Variants in TLE1 observed in about 807,000 individuals in gnomAD.
TLE1 encodes the protein TLE family member 1, transcriptional corepressor.
Under a neutral mutation model 89.8 loss-of-function variants are expected in TLE1, and 21 were observed. The observed-to-expected ratio is 0.23, with a 90% CI of 0.17 to 0.34. The LOEUF (loss-of-function observed/expected upper bound fraction) is 0.34, where lower values mean the gene tolerates loss of function less well. Among genes scored for constraint, TLE1 ranks in the 10% least tolerant of loss-of-function variants. TLE1 has a pLI of 1.00. For missense variants in TLE1, 795 were observed against 1,031.2 expected (o/e 0.77, Z 3.14); for synonymous variants, 447 against 407.6 (o/e 1.10, Z -1.16).
intron 6 of TLE1, among the ~76,000 whole-genome samples, chr9:81,645,664 C>T (rs979579080): frequency 6.6e-6 from 1 of 151,608 alleles, no homozygotes; most frequent in Admixed American, 6.6e-5. Flanking sequence ...CGCTTGAACC[C>T]GGGAGGCAGA....
At chr9:81,677,389 T>A (rs1307927158) in intron 4 of TLE1, among the ~76,000 whole-genome samples, 2 of 151,028 alleles carry the variant, frequency 1.3e-5, no homozygotes, top group East Asian at 3.9e-4. Context: ...CATGATGAAA[T>A]CCTGTCTCTA....
In TLE1 at chr9:81,688,563, C is replaced by A. The variant is rs1588295049; in HGVS notation, c.-323G>T. On this transcript the variant is annotated 5_prime_UTR_variant, in exon 1 of 20. Transcript: ENST00000376499. ...GCGCTCCAACCCCCGGCCTCAGCTGCCCGGGCGGGGAGGCGGGGGCGCGGT... is the reference window on the plus strand; with the variant it reads ...GCGCTCCAACCCCCGGCCTCAGCTGACCGGGCGGGGAGGCGGGGGCGCGGT... 1 of 300,790 alleles carries A rather than the reference C, an allele frequency of 3.3e-6. No homozygotes were observed. The highest frequency in any genetic ancestry group is 5.6e-5 in the East Asian group (1 of 17,836). 18.6% of individuals were successfully genotyped at this position (300,790 alleles called of 1,614,324 possible).
chr9:81,622,996 T>C (rs912814535), intron 8 of TLE1, among the ~76,000 whole-genome samples: 3 of 152,196 alleles, frequency 2.0e-5, no homozygotes, highest in South Asian at 4.1e-4. Flanking sequence ...CTGTGTATAA[T>C]TGCCCCTGAC....
chr9:81,624,902 A>C (rs1473543910), intron 8 of TLE1, among the ~76,000 whole-genome samples: 1 of 152,226 alleles, frequency 6.6e-6, no homozygotes, highest in Admixed American at 6.5e-5. Context: ...ACACTGTTCA[A>C]AACAAACTGA....
Position 81,593,218 on chromosome 9 carries a change from G to A in TLE1, c.1388C>T (p.Pro463Leu). Residue 463 changes from proline (P) to leucine (L), a missense_variant, in exon 15 of 20, where the codon CCC (proline) becomes CTC (leucine). Coordinates refer to ENST00000376499, the MANE Select transcript of TLE1 (RefSeq NM_005077.5). The part of the protein sequence containing the change: ...DGQMQPVPFP[P>L]DALIGPGIPR... ...GATTCCGGGTCCGATGAGGGCGTCG[G>A]GGGGAAAAGGGACAGGCTGCATCTG... 1 of 1,614,168 alleles carries A rather than the reference G, an allele frequency of 6.2e-7. No homozygotes were observed. Among genetic ancestry groups the A allele is most frequent in the South Asian group, 1.1e-5 (1 of 91,078 alleles).
intron 14 of TLE1, among the ~76,000 whole-genome samples, chr9:81,596,406 A>C (rs1039584018): frequency 1.3e-5 from 2 of 152,146 alleles, no homozygotes; most frequent in African/African-American, 4.8e-5. Flanking sequence ...AGCAACACAA[A>C]GGGTGGATGG....
chr9:81,662,483 G>A (rs147655112), intron 4 of TLE1, among the ~76,000 whole-genome samples: 3,755 of 151,368 alleles, frequency 0.025, 151 homozygotes, highest in African/African-American at 0.085. Context: ...ATCACCTGAG[G>A]TCAGGAGTTC....
chr9:81,606,473 G>A (rs1587934821), intron 14 of TLE1, among the ~76,000 whole-genome samples: 2 of 152,258 alleles, frequency 1.3e-5, no homozygotes, highest in Non-Finnish European at 2.9e-5. Context: ...CCTTTGCAGG[G>A]ACATGGATGA....
At position 81,660,366 on chromosome 9, in the gene TLE1, G is replaced by A. The variant is rs768917550; in HGVS notation, c.235-6330C>T. Reference sequence around the variant, plus strand: ...CAAAAAAAAAAAAACAAAATCATACGTTGGTAAGTATAAAATTCATGTACA... The same window carrying A: ...CAAAAAAAAAAAAACAAAATCATACATTGGTAAGTATAAAATTCATGTACA... On this transcript the variant is annotated intron_variant, in intron 4 of 19. Coordinates refer to ENST00000376499, the MANE Select transcript of TLE1 (RefSeq NM_005077.5). Among the ~76,000 whole-genome samples, 6 of 150,944 alleles carry A rather than the reference G, an allele frequency of 4.0e-5. No homozygotes were observed. In the South Asian group the frequency reaches 8.4e-4, roughly 21 times the overall value.
chr9:81,605,177 C>T (rs756441320), intron 14 of TLE1, among the ~76,000 whole-genome samples: 3 of 152,144 alleles, frequency 2.0e-5, no homozygotes, highest in Admixed American at 1.3e-4. Flanking sequence ...TAACTTTTAA[C>T]GCCTTGTTCA....
intron 4 of TLE1, among the ~76,000 whole-genome samples, chr9:81,680,929 TAA>T (rs550412372): frequency 3.7e-5 from 5 of 136,200 alleles, no homozygotes; most frequent in Admixed American, 7.4e-5. Context: ...CACACAGGGT[TAA>T]AAAAAAAAAA....
At chr9:81,620,134 C>CA (rs1554676221) in intron 9 of TLE1, among the ~76,000 whole-genome samples, 9 of 152,074 alleles carry the variant, frequency 5.9e-5, no homozygotes, top group African/African-American at 2.2e-4. Context: ...CCAAGGGAGG[C>CA]GGGGGGCCCG....
At chr9:81,628,615 AAAAG>A (rs763258493) in intron 8 of TLE1, among the ~76,000 whole-genome samples, 66 of 152,272 alleles carry the variant, frequency 4.3e-4, no homozygotes, top group Middle Eastern at 3.4e-3. Context: ...GAAGAGTAAC[AAAAG>A]AAAGAAACCA....
chr9:81,617,133 C>CAAAAAAAAAAAAAAAAAAAAAA (rs56692367), intron 9 of TLE1, among the ~76,000 whole-genome samples: 1 of 124,190 alleles, frequency 8.1e-6, no homozygotes, highest in Non-Finnish European at 1.8e-5. Context: ...CTAGTTAATG[C>CAAAAAAAAAAAAAAAAAAAAAA]AAAAAAAAAA....
chr9:81,634,249 G>C lies in TLE1; in HGVS notation c.425C>G (p.Pro142Arg). The change falls in exon 7 of 20, where the codon CCC becomes CGC. Residue 142 changes from proline (P) to arginine (R), a missense_variant. Around this residue, in one of 4 missense-constraint regions of TLE1, gnomAD observed 468 missense variants for 509.1 expected, o/e 0.92. Transcript: ENST00000376499. ...AAGTCCCGAAGGGTGAGGCGTAAGG[G>C]GAACTGGGGGTCCGTGGCCATGAGA... ...HLSHGHGPPV[P>R]LTPHPSGLQP... is the part of the protein sequence containing the mutation. 1 of 1,572,976 alleles carries C rather than the reference G, an allele frequency of 6.4e-7. No individual in the cohort carries two copies. Among genetic ancestry groups the C allele is most frequent in the Non-Finnish European group, 8.7e-7 (1 of 1,155,478 alleles).
intron 4 of TLE1, among the ~76,000 whole-genome samples, chr9:81,674,645 TAAGTC>T (rs1224647217): frequency 1.3e-5 from 2 of 152,198 alleles, no homozygotes; most frequent in African/African-American, 4.8e-5. Context: ...AGGTAAAGTA[TAAGTC>T]AAGTTTCATT....
At chr9:81,645,086 G>A (rs1197407539) in intron 6 of TLE1, among the ~76,000 whole-genome samples, 1 of 151,162 alleles carries the variant, frequency 6.6e-6, no homozygotes, top group African/African-American at 2.4e-5. Flanking sequence ...TAGGCTGGGT[G>A]CAGTGCCTCA....
intron 14 of TLE1, among the ~76,000 whole-genome samples, chr9:81,598,111 A>G (rs759156411): frequency 3.9e-5 from 6 of 152,292 alleles, no homozygotes; most frequent in East Asian, 3.9e-4. Flanking sequence ...ATTGTTAGCT[A>G]TATTAACAAG....
At chr9:81,640,923 A>T (rs1692616364) in intron 6 of TLE1, among the ~76,000 whole-genome samples, 1 of 152,138 alleles carries the variant, frequency 6.6e-6, no homozygotes, top group East Asian at 1.9e-4. Flanking sequence ...ATCAACTTTA[A>T]TTTCTGAAAC....
Sources: allele counts gnomAD v4.1 joint callset (sites outside exome capture counted in the v4.1 genomes callset), GRCh38; gene constraint gnomAD v4.1.1; regional missense constraint gnomAD v4.1.1; transcripts MANE v1.5; gene names NCBI Gene and HGNC (gene_info 2026-07-23, HGNC 2026-07-21).